CA1: variants seen among roughly 807,000 people sequenced by gnomAD.
CA1 encodes the protein carbonate dehydratase I.
A neutral mutation model predicts 28.8 loss-of-function variants in CA1; 27 were observed. The observed-to-expected ratio is 0.94, with a 90% CI of 0.69 to 1.29. CA1 has a LOEUF of 1.29. Among genes scored for constraint, CA1 ranks in the 50% most tolerant of loss-of-function variants. CA1 has a pLI of 0.00. For missense variants in CA1, 335 were observed against 310.5 expected, an observed-to-expected ratio of 1.08 and a Z score of -0.59; for synonymous variants, 121 against 108.8, an observed-to-expected ratio of 1.11 and a Z score of -0.70.
intron 6 of CA1, among the ~76,000 whole-genome samples, chr8:85,331,853 T>G (rs1024376926): frequency 6.6e-6 from 1 of 152,168 alleles, no homozygotes; most frequent in Non-Finnish European, 1.5e-5. Context: ...ACTCTTGAGT[T>G]GAGGGCTTAT....
chr8:85,362,120 G>T (rs1382370071), intron 1 of CA1, among the ~76,000 whole-genome samples: 2 of 152,124 alleles, frequency 1.3e-5, no homozygotes, highest in African/African-American at 4.8e-5. Flanking sequence ...TTGTTTTGTT[G>T]TCTTTTCCAG....
chr8:85,356,055 C>A (rs1300142411), intron 1 of CA1, among the ~76,000 whole-genome samples: 1 of 152,140 alleles, frequency 6.6e-6, no homozygotes, highest in Non-Finnish European at 1.5e-5. Context: ...GTCAGGGTGG[C>A]AGTGTTGATA....
chr8:85,370,369 G>A (rs908195561), intron 1 of CA1, among the ~76,000 whole-genome samples: 4 of 152,072 alleles, frequency 2.6e-5, no homozygotes, highest in African/African-American at 9.7e-5. Flanking sequence ...AAATTCAGAG[G>A]AAATTGAATC....
At position 85,333,445 on chromosome 8, in the gene CA1, AT is replaced by A. The variant is rs1808495951; in HGVS notation, c.450+79del. On this transcript the variant is annotated intron_variant, in intron 5 of 7. Transcript: ENST00000523022. ...TTTAAAATAAGAAATTCTAAAATAT[AT>A]GTTGCCTTATTTCCTTCTATTTTGA... 7.0e-6 allele frequency: 6 copies of A among 854,974 alleles called. No homozygotes were observed. The South Asian group carries it at 8.2e-5, about 12-fold the overall frequency. 53.0% of individuals were successfully genotyped at this position (854,974 alleles called of 1,614,324 possible). A position where few individuals can be genotyped will look rare whatever the true frequency, so the allele number is the denominator to read the frequency against.
At chr8:85,371,326 A>C (rs535865281) in intron 1 of CA1, among the ~76,000 whole-genome samples, 2 of 152,256 alleles carry the variant, frequency 1.3e-5, no homozygotes, top group South Asian at 2.1e-4. Flanking sequence ...TAGGTCTGTT[A>C]ATCTTAATTC....
At chr8:85,375,044 T>C (rs1810359204) in intron 1 of CA1, among the ~76,000 whole-genome samples, 1 of 152,210 alleles carries the variant, frequency 6.6e-6, no homozygotes, top group Non-Finnish European at 1.5e-5. Context: ...TTGCAAATTT[T>C]ATATAAAACA....
In CA1 at chr8:85,338,361, G is replaced by A. The variant is rs779770688; in HGVS notation, c.126C>T (p.Asp42=). Residue 42 remains aspartate, a synonymous_variant, in exon 3 of 8, where the codon GAC becomes GAT. Transcript: ENST00000523022. ...VDIKTSETKH[D]TSLKPISVSY... ...AGACACTAATAGGTTTCAGAGAGGTGTCATGTTTGGTTTCACTGGTTTTAA... is the reference window on the plus strand; with the variant it reads ...AGACACTAATAGGTTTCAGAGAGGTATCATGTTTGGTTTCACTGGTTTTAA... 16 of 1,613,532 alleles carry A rather than the reference G, an allele frequency of 9.9e-6. No homozygotes were observed. In the African/African-American group the frequency reaches 2.0e-4, roughly 20 times the overall value.
At chr8:85,376,833 G>A (rs1159531161) in intron 1 of CA1, among the ~76,000 whole-genome samples, 1 of 152,074 alleles carries the variant, frequency 6.6e-6, no homozygotes, top group African/African-American at 2.4e-5. Flanking sequence ...CCCTGGGCAT[G>A]TGTGGTACCT....
At chr8:85,342,854 T>G (rs995687544) in intron 1 of CA1, 1 of 152,190 alleles carries the variant, frequency 6.6e-6, no homozygotes, top group African/African-American at 2.4e-5. Context: ...CAGGAGCAAT[T>G]TTCACTAAGG....
intron 1 of CA1, among the ~76,000 whole-genome samples, chr8:85,356,087 T>A (rs570861664): frequency 1.3e-5 from 2 of 152,318 alleles, no homozygotes; most frequent in East Asian, 3.9e-4. Flanking sequence ...TTTTTGTACC[T>A]CCAGCCCAAG....
At chr8:85,370,822 C>A (rs1810195500) in intron 1 of CA1, among the ~76,000 whole-genome samples, 1 of 152,110 alleles carries the variant, frequency 6.6e-6, no homozygotes, top group East Asian at 1.9e-4. Context: ...TTTCAAATTT[C>A]TTCTTATCAG....
At chr8:85,335,489 C>T (rs1001341399) in intron 4 of CA1, among the ~76,000 whole-genome samples, 4 of 152,084 alleles carry the variant, frequency 2.6e-5, no homozygotes, top group Non-Finnish European at 4.4e-5. Context: ...AGTAAGTGGT[C>T]GAGCTTTGAT....
In CA1 at chr8:85,338,270, C is replaced by T. The variant is rs1441078782; in HGVS notation, c.217G>A (p.Asp73Asn). Residue 73 changes from aspartate to asparagine, a missense_variant, in exon 3 of 8, where the codon GAC (aspartate) becomes AAC (asparagine). Physicochemically the swap from Asp to Asn is conservative, Grantham distance 23 (BLOSUM62 1). Coordinates refer to ENST00000523022, the MANE Select transcript of CA1 (RefSeq NM_001128831.4). ...VGHSFHVNFE[D>N]NDNRSVLKGG... is the part of the protein sequence containing the mutation. ...AGCTCACCTGATCGGTTATCGTTGT[C>T]CTCAAAATTTACATGGAAGGAATGC... 3 of 1,613,704 alleles carry T rather than the reference C, an allele frequency of 1.9e-6. No individual in the cohort carries two copies. Among genetic ancestry groups the T allele is most frequent in the South Asian group, 2.2e-5 (2 of 91,074 alleles).
chr8:85,373,983 G>A (rs1312650121), intron 1 of CA1, among the ~76,000 whole-genome samples: 1 of 152,132 alleles, frequency 6.6e-6, no homozygotes, highest in Non-Finnish European at 1.5e-5. Context: ...TTGGAAAGAT[G>A]AAAAAGTTCT....
intron 1 of CA1, among the ~76,000 whole-genome samples, chr8:85,344,128 A>T (rs1468474590): frequency 1.3e-4 from 18 of 137,252 alleles, no homozygotes; most frequent in Non-Finnish European, 2.8e-4. Flanking sequence ...ATAAAATTTA[A>T]ATTTATATAT....
chr8:85,376,048 A>T (rs1810403283), intron 1 of CA1, among the ~76,000 whole-genome samples: 1 of 152,160 alleles, frequency 6.6e-6, no homozygotes, highest in Non-Finnish European at 1.5e-5. Context: ...GTTATAAAAG[A>T]AGCTGGGCAT....
intron 1 of CA1, among the ~76,000 whole-genome samples, chr8:85,362,622 A>G (rs1451559290): frequency 2.0e-5 from 3 of 152,182 alleles, no homozygotes; most frequent in Non-Finnish European, 2.9e-5. Context: ...TTTGCTTTCT[A>G]AAAAGCAAAA....
chr8:85,359,376 G>T (rs1809711613), intron 1 of CA1, among the ~76,000 whole-genome samples: 1 of 152,210 alleles, frequency 6.6e-6, no homozygotes, highest in Non-Finnish European at 1.5e-5. Flanking sequence ...AGTGGAGTAT[G>T]GGGAGAATCT....
At chr8:85,375,165 G>T (rs1416626006) in intron 1 of CA1, among the ~76,000 whole-genome samples, 1 of 152,090 alleles carries the variant, frequency 6.6e-6, no homozygotes, top group Admixed American at 6.6e-5. Flanking sequence ...TGCCACCTCT[G>T]CCTAAGTCTG....
Sources: allele counts gnomAD v4.1 joint callset (sites outside exome capture counted in the v4.1 genomes callset), GRCh38; gene constraint gnomAD v4.1.1; transcripts MANE v1.5; gene names NCBI Gene and HGNC (gene_info 2026-07-23, HGNC 2026-07-21).